The following CCDC40 variants were observed in gnomAD, a reference collection of about 807,000 sequenced individuals.
CCDC40 encodes coiled-coil domain-containing protein 40.
In CCDC40, 104 loss-of-function variants were observed where a neutral mutation model predicts 124.5. The ratio of observed to expected loss-of-function variants is 0.84; its 90% confidence interval spans 0.71 to 0.98. The LOEUF (loss-of-function observed/expected upper bound fraction) is 0.98, where lower values mean the gene tolerates loss of function less well. CCDC40 is among the 50% of genes least tolerant of loss of function. The pLI is 0.00. For synonymous variants in CCDC40, 580 were observed against 602.9 expected, an observed-to-expected ratio of 0.96 and a Z score of 0.56; for missense variants, 1,463 against 1,503.9, an observed-to-expected ratio of 0.97 and a Z score of 0.45.
chr17:80,089,225 A>C (rs1429073095), intron 16 of CCDC40, among the ~76,000 whole-genome samples: 1 of 152,172 alleles, frequency 6.6e-6, no homozygotes, highest in Non-Finnish European at 1.5e-5. Flanking sequence ...ACGTGGGCCC[A>C]TATCTCCCTG....
chr17:80,044,782 A>G (rs1394763591), intron 3 of CCDC40, among the ~76,000 whole-genome samples: 1 of 151,304 alleles, frequency 6.6e-6, no homozygotes, highest in Admixed American at 6.6e-5. Context: ...GTTTAAGTGA[A>G]GTCTAGGTCA....
chr17:80,097,202 A>T (rs762076884), intron 18 of CCDC40, 43 bp from the exon 19 acceptor site: 1 of 1,609,520 alleles, frequency 6.2e-7, no homozygotes, highest in Non-Finnish European at 8.5e-7. Context: ...TCCGCCAAGT[A>T]GCCGGGCTGC....
At chr17:80,097,222 G>A (rs1567818026) in intron 18 of CCDC40, 23 bp from the exon 19 acceptor site, 1 of 1,613,662 alleles carries the variant, frequency 6.2e-7, no homozygotes, top group African/African-American at 1.3e-5. Flanking sequence ...CAGGGGCCCA[G>A]CATGGTCCTG....
intron 17 of CCDC40, chr17:80,090,334 C>A (rs1375343242): frequency 4.6e-6 from 3 of 658,986 alleles, no homozygotes; most frequent in East Asian, 7.1e-5. Flanking sequence ...CGCGCAGGCA[C>A]GTGCACGAAC....
intron 16 of CCDC40, among the ~76,000 whole-genome samples, chr17:80,089,372 GC>G (rs2038653680): frequency 6.6e-6 from 1 of 152,192 alleles, no homozygotes; most frequent in Non-Finnish European, 1.5e-5. Context: ...TGGGACCAAT[GC>G]TTTGGGGGGC....
chr17:80,062,201 G>A (rs1401706064), intron 9 of CCDC40, among the ~76,000 whole-genome samples: 1 of 152,032 alleles, frequency 6.6e-6, no homozygotes, highest in South Asian at 2.1e-4. Flanking sequence ...CCAAGAAGAG[G>A]ACATTAGTGA....
chr17:80,092,537 C>T (rs953615786), intron 17 of CCDC40, among the ~76,000 whole-genome samples: 2 of 152,198 alleles, frequency 1.3e-5, no homozygotes, highest in African/African-American at 4.8e-5. Context: ...TAGGGTGAGA[C>T]ATATTGAGCC....
chr17:80,049,334 G>C (rs1174544961), intron 5 of CCDC40, among the ~76,000 whole-genome samples: 1 of 151,912 alleles, frequency 6.6e-6, no homozygotes, highest in Admixed American at 6.6e-5. Context: ...AAACCCAAGA[G>C]GCGGAGGTTG....
chr17:80,051,908 A>T (rs1214234285), intron 7 of CCDC40, among the ~76,000 whole-genome samples: 1 of 152,228 alleles, frequency 6.6e-6, no homozygotes, highest in African/African-American at 2.4e-5. Flanking sequence ...AAAAGATCCA[A>T]ACACTCTGGT....
chr17:80,090,156 AC>A, intron 17 of CCDC40: 2 of 1,172,144 alleles, frequency 1.7e-6, no homozygotes, highest in Admixed American at 2.3e-5. Flanking sequence ...GCAGAACAAC[AC>A]AGGACGCACA....
At chr17:80,068,922 C>T (rs1382747576) in intron 10 of CCDC40, among the ~76,000 whole-genome samples, 2 of 152,210 alleles carry the variant, frequency 1.3e-5, no homozygotes, top group East Asian at 1.9e-4. Context: ...GCTCAGGGAC[C>T]GGCTAGAGGG....
At chr17:80,042,267 C>T (rs1469409937) in intron 3 of CCDC40, among the ~76,000 whole-genome samples, 1 of 152,104 alleles carries the variant, frequency 6.6e-6, no homozygotes, top group Non-Finnish European at 1.5e-5. Context: ...TACAGGCACA[C>T]ACCACCACAC....
rs147459261 is a variant in CCDC40, at chr17:80,072,605, G to A, written c.1562+6999G>A. 2.0e-3 allele frequency among the ~76,000 whole-genome samples: 298 copies of A among 152,270 alleles called. 2 individuals carry two copies. The highest frequency in any genetic ancestry group is 7.0e-3 in the African/African-American group (293 of 41,564). ...TACAAAATTGCATACCTCCAGCCCT[G>A]GCAACCGCTGTGCCGCCTTCTGTGC... On this transcript the variant is annotated intron_variant, in intron 10 of 19. Coordinates refer to ENST00000397545, the MANE Select transcript of CCDC40 (RefSeq NM_017950.4).
chr17:80,091,034 C>G (rs2038712879), intron 17 of CCDC40, among the ~76,000 whole-genome samples: 1 of 152,214 alleles, frequency 6.6e-6, no homozygotes, highest in Non-Finnish European at 1.5e-5. Context: ...CCCTCCTCAG[C>G]CAGGGCGACT....
chr17:80,044,733 A>C (rs138417763), intron 3 of CCDC40, among the ~76,000 whole-genome samples: 9,258 of 145,526 alleles, frequency 0.064, 1,255 homozygotes, highest in African/African-American at 0.24. Context: ...ATATATATAT[A>C]TATATCTCAA....
At chr17:80,042,343 C>G (rs1353501553) in intron 3 of CCDC40, among the ~76,000 whole-genome samples, 2 of 152,202 alleles carry the variant, frequency 1.3e-5, no homozygotes, top group Non-Finnish European at 1.5e-5. Flanking sequence ...TGGTCTCGAA[C>G]TCCTGCCCAC....
At chr17:80,095,158 C>G (rs887162225) in intron 17 of CCDC40, 105 bp from the exon 18 acceptor site, 1 of 1,053,566 alleles carries the variant, frequency 9.5e-7, no homozygotes, top group Admixed American at 1.8e-5. Flanking sequence ...CCGCCGATCC[C>G]CATGCGTGTC....
Position 80,099,952 on chromosome 17 carries a change from T to A in CCDC40, c.*177T>A. 2 of 689,160 alleles carry A rather than the reference T, an allele frequency of 2.9e-6. No individual in the cohort carries two copies. The highest frequency in any genetic ancestry group is 4.8e-6 in the Non-Finnish European group (2 of 413,392). The allele number at this position is 689,160 out of a possible 1,614,324, so 42.7% of individuals were successfully genotyped here. ...GAATCTTTTTAGCCACTCAGCAATT[T>A]AATAAACCAGGTAAAATCCTAGCGT... On this transcript the variant is annotated 3_prime_UTR_variant, in exon 20 of 20. Coordinates refer to ENST00000397545, the MANE Select transcript of CCDC40 (RefSeq NM_017950.4).
At chr17:80,067,336 C>T in intron 10 of CCDC40, 1 of 588,236 alleles carries the variant, frequency 1.7e-6, no homozygotes, top group South Asian at 2.1e-5. Flanking sequence ...TCACTAGAAC[C>T]CCCTCCCAAG....
Sources: allele counts gnomAD v4.1 joint callset (sites outside exome capture counted in the v4.1 genomes callset), GRCh38; gene constraint gnomAD v4.1.1; transcripts MANE v1.5; gene names NCBI Gene and HGNC (gene_info 2026-07-23, HGNC 2026-07-21).